The following HMGXB3 variants were observed in gnomAD, a reference collection of about 807,000 sequenced individuals.
HMGXB3 encodes the protein HMG domain-containing protein 3.
A neutral mutation model predicts 121.5 loss-of-function variants in HMGXB3; 45 were observed. The observed-to-expected ratio is 0.37, with a 90% confidence interval of 0.29 to 0.47. The LOEUF (loss-of-function observed/expected upper bound fraction) is 0.47, where lower values mean the gene tolerates loss of function less well. HMGXB3 is among the 20% of genes least tolerant of loss of function. HMGXB3 has a pLI of 0.99. For missense variants in HMGXB3, 1,376 were observed against 1,602.2 expected, an observed-to-expected ratio of 0.86 and a Z score of 2.41; for synonymous variants, 590 against 624.1, an observed-to-expected ratio of 0.95 and a Z score of 0.81.
At chr5:150,014,114 C>T (rs1297407218) in intron 5 of HMGXB3, among the ~76,000 whole-genome samples, 7 of 152,242 alleles carry the variant, frequency 4.6e-5, no homozygotes, top group Non-Finnish European at 1.0e-4. Flanking sequence ...TGGCCTGGTA[C>T]TACACTAGAG....
At chr5:150,048,291 T>C (rs1487115002) in intron 17 of HMGXB3, among the ~76,000 whole-genome samples, 2 of 152,242 alleles carry the variant, frequency 1.3e-5, no homozygotes, top group African/African-American at 4.8e-5. Context: ...TCCCCTTTGA[T>C]GGTTTCTTTG....
At chr5:150,008,088 C>CAT (rs1197750072) in intron 3 of HMGXB3, among the ~76,000 whole-genome samples, 7 of 150,748 alleles carry the variant, frequency 4.6e-5, no homozygotes, top group East Asian at 3.9e-4. Context: ...CACACACACA[C>CAT]ACACACACAC....
Position 150,012,217 on chromosome 5 carries a change from T to C in HMGXB3, c.811-38T>C, listed in dbSNP as rs977451721. ...GTGGCCTGGGTGTTCTTTATTACTC[T>C]GTTTCAGTGAAACTGTCCTTCTCTT... On this transcript the variant is annotated intron_variant, in intron 4 of 19. Coordinates refer to ENST00000502717, the MANE Select transcript of HMGXB3 (RefSeq NM_014983.3). 3 of 1,436,334 alleles carry C rather than the reference T, an allele frequency of 2.1e-6. No homozygotes were observed. In the African/African-American group the frequency reaches 4.2e-5, roughly 20 times the overall value. 89.0% of individuals were successfully genotyped at this position (1,436,334 alleles called of 1,614,324 possible). A position where few individuals can be genotyped will look rare whatever the true frequency, so the allele number is the denominator to read the frequency against.
intron 5 of HMGXB3, among the ~76,000 whole-genome samples, chr5:150,017,775 G>A (rs574861428): frequency 1.3e-5 from 2 of 152,328 alleles, no homozygotes; most frequent in African/African-American, 4.8e-5. Flanking sequence ...AAATATGACA[G>A]AGAAATGGGT....
At chr5:150,048,124 GTGTC>G (rs1324908055) in intron 17 of HMGXB3, among the ~76,000 whole-genome samples, 2 of 152,256 alleles carry the variant, frequency 1.3e-5, no homozygotes, top group Non-Finnish European at 2.9e-5. Context: ...ACTTTACACA[GTGTC>G]TGGTTACTAC....
In HMGXB3 at chr5:150,041,014, A is replaced by G. The variant is rs1756620194; in HGVS notation, c.2545+135A>G. ...GAAAAGGAGACATTCTTGACTTCCTAATACACTCTTCCTTTTGAATTTTAC... is the reference window on the plus strand; with the variant it reads ...GAAAAGGAGACATTCTTGACTTCCTGATACACTCTTCCTTTTGAATTTTAC... On this transcript the variant is annotated intron_variant, in intron 14 of 19. Transcript: ENST00000502717. 4 of 852,320 alleles carry G rather than the reference A, an allele frequency of 4.7e-6. 1 individual carries two copies. Among genetic ancestry groups the G allele is most frequent in the Non-Finnish European group, 6.8e-6 (4 of 584,328 alleles). The allele number at this position is 852,320 out of a possible 1,614,324, so 52.8% of individuals were successfully genotyped here.
intron 5 of HMGXB3, among the ~76,000 whole-genome samples, chr5:150,016,459 CAT>C (rs1755963332): frequency 1.3e-5 from 2 of 151,584 alleles, no homozygotes; most frequent in South Asian, 4.2e-4. Context: ...AGTATGTAAA[CAT>C]GTAGGATTGT....
Position 150,026,692 on chromosome 5 carries a change from C to T in HMGXB3, c.1461-14C>T. On this transcript the variant is annotated splice_polypyrimidine_tract_variant and intron_variant, in intron 7 of 19. Coordinates refer to ENST00000502717, the MANE Select transcript of HMGXB3 (RefSeq NM_014983.3). ...GTTCCAGAATTTCCAGATTTCTCTTCTTATTCTTTTCAGAGCTGACCTGCT... is the reference window on the plus strand; with the variant it reads ...GTTCCAGAATTTCCAGATTTCTCTTTTTATTCTTTTCAGAGCTGACCTGCT... The T allele has an allele frequency of 1.3e-6, 2 of 1,543,762 alleles. No homozygotes were observed. The highest frequency in any genetic ancestry group is 1.7e-6 in the Non-Finnish European group (2 of 1,144,496).
intron 5 of HMGXB3, among the ~76,000 whole-genome samples, chr5:150,018,246 A>C (rs769138425): frequency 6.6e-5 from 10 of 152,232 alleles, no homozygotes; most frequent in Non-Finnish European, 1.3e-4. Flanking sequence ...GATTGCTGAG[A>C]GTATTAAATG....
intron 3 of HMGXB3, among the ~76,000 whole-genome samples, chr5:150,006,978 A>G (rs1483626580): frequency 6.6e-6 from 1 of 152,250 alleles, no homozygotes; most frequent in African/African-American, 2.4e-5. Context: ...AGTAGTTTAT[A>G]TAGGCATTTC....
At chr5:150,016,527 G>A (rs992554267) in intron 5 of HMGXB3, among the ~76,000 whole-genome samples, 1 of 152,096 alleles carries the variant, frequency 6.6e-6, no homozygotes, top group African/African-American at 2.4e-5. Flanking sequence ...TTTATCTCTA[G>A]TAATCTTTGC....
chr5:150,029,397 C>T (rs1014976667), intron 9 of HMGXB3, among the ~76,000 whole-genome samples: 2 of 149,370 alleles, frequency 1.3e-5, no homozygotes, highest in Non-Finnish European at 3.0e-5. Flanking sequence ...GAGGGAGGCA[C>T]ATCTCACCCA....
chr5:150,051,593 G>A (rs916816916), intron 19 of HMGXB3, 132 bp from the exon 20 acceptor site: 3 of 719,058 alleles, frequency 4.2e-6, no homozygotes, highest in Admixed American at 2.9e-5. Flanking sequence ...GCAGGGGTTG[G>A]CCTAGGAGAC....
chr5:150,003,678 A>C (rs7734382), intron 1 of HMGXB3, among the ~76,000 whole-genome samples: 1 of 151,532 alleles, frequency 6.6e-6, no homozygotes, highest in Admixed American at 6.6e-5. Flanking sequence ...TGAACCCAGC[A>C]GGGCACAGTG....
Position 150,052,678 on chromosome 5 carries a change from A to AG in HMGXB3, c.*490dup, listed in dbSNP as rs1370241577. On this transcript the variant is annotated 3_prime_UTR_variant, in exon 20 of 20. Transcript: ENST00000502717. ...GGGCCTGGGTGGCCTCATTAACTCTAGGGGTCCCTTTGGGCTCTTGATTCT... is the reference window on the plus strand; with the variant it reads ...GGGCCTGGGTGGCCTCATTAACTCTAGGGGGTCCCTTTGGGCTCTTGATTCT... 2 of 159,434 alleles carry AG rather than the reference A, an allele frequency of 1.3e-5. No homozygotes were observed. The highest frequency in any genetic ancestry group is 5.9e-5 in the Admixed American group (1 of 16,990). 9.9% of individuals were successfully genotyped at this position (159,434 alleles called of 1,614,324 possible).
chr5:150,052,147 A>AGAGGAGGAGGGTGAG lies in HMGXB3; in HGVS notation c.3837_3851dup (p.Gly1282_Glu1286dup), dbSNP rs1554100704. Reference sequence around the variant, plus strand: ...GGGTTGCTCAGATCAAGACAGAGACAGAGGAGGAGGGTGAGGAAGAGGAGG... The same window carrying AGAGGAGGAGGGTGAG: ...GGGTTGCTCAGATCAAGACAGAGACAGAGGAGGAGGGTGAGGAGGAGGAGGGTGAGGAAGAGGAGG... On this transcript the variant is annotated inframe_insertion, in exon 20 of 20. Transcript: ENST00000502717. The AGAGGAGGAGGGTGAG allele has an allele frequency of 1.3e-6, 2 of 1,549,984 alleles. No individual in the cohort carries two copies. Among genetic ancestry groups the AGAGGAGGAGGGTGAG allele is most frequent in the African/African-American group, 2.7e-5 (2 of 73,028 alleles).
intron 19 of HMGXB3, among the ~76,000 whole-genome samples, chr5:150,050,878 G>A (rs928741041): frequency 5.3e-5 from 8 of 152,210 alleles, no homozygotes; most frequent in African/African-American, 1.9e-4. Flanking sequence ...AAAAGAGGTT[G>A]CCTTCCAGAG....
chr5:150,051,496 A>G (rs796280827), intron 19 of HMGXB3, among the ~76,000 whole-genome samples: 1 of 152,174 alleles, frequency 6.6e-6, no homozygotes, highest in East Asian at 1.9e-4. Context: ...CGGGGGCAAT[A>G]ATAGCATAAG....
intron 1 of HMGXB3, among the ~76,000 whole-genome samples, 173 bp downstream of exon 1, chr5:150,001,352 A>G (rs1755558804): frequency 6.6e-6 from 1 of 152,190 alleles, no homozygotes; most frequent in South Asian, 2.1e-4. Context: ...AGCTTGACCA[A>G]GACTTTGTCT....
Sources: gnomAD v4.1 joint callset for allele counts (sites outside exome capture counted in the v4.1 genomes callset) on GRCh38, gnomAD v4.1.1 for gene constraint, MANE v1.5 for transcripts, NCBI Gene and HGNC (gene_info 2026-07-23, HGNC 2026-07-21) for gene names.